The following PCDHGA4 variants were observed in gnomAD, a reference collection of about 807,000 sequenced individuals.
PCDHGA4 encodes protocadherin gamma-A4.
In PCDHGA4, 38 loss-of-function variants were observed where a neutral mutation model predicts 54.6. The observed-to-expected ratio is 0.70, with a 90% CI of 0.54 to 0.91. The LOEUF (loss-of-function observed/expected upper bound fraction) is 0.91. Ranked by LOEUF, PCDHGA4 falls within the 40% of genes least tolerant of loss-of-function variation. The pLI is 0.00. For missense variants in PCDHGA4, 1,298 were observed against 1,220.9 expected (o/e 1.06, Z -0.94); for synonymous variants, 511 against 512.9 (o/e 1.00, Z 0.05).
chr5:141,467,057 T>TG, intron 1 of PCDHGA4, among the ~76,000 whole-genome samples: 1 of 144,752 alleles, frequency 6.9e-6, no homozygotes, highest in Non-Finnish European at 1.5e-5. Context: ...AATGTTTTCT[T>TG]TTTTTTTTTT....
At chr5:141,451,180 T>C (rs1318435826) in intron 1 of PCDHGA4, among the ~76,000 whole-genome samples, 4 of 152,180 alleles carry the variant, frequency 2.6e-5, no homozygotes, top group Non-Finnish European at 4.4e-5. Flanking sequence ...ATTTAGCCAT[T>C]GCTGTGTAAC....
Position 141,361,616 on chromosome 5 carries a change from G to A in PCDHGA4, c.2514+3995G>A, listed in dbSNP as rs1031903185. On this transcript the variant is annotated intron_variant, in intron 1 of 3. Coordinates refer to ENST00000571252, the MANE Select transcript of PCDHGA4 (RefSeq NM_018917.4). ...CAAGTTTCCTACTCCATCGTAGCGA[G>A]CGACCTGAAGCCGCGGGAGATTTTA... The A allele has an allele frequency of 1.4e-5, 22 of 1,613,858 alleles. No homozygotes were observed. The highest frequency in any genetic ancestry group is 1.7e-5 in the Non-Finnish European group (20 of 1,179,908).
intron 1 of PCDHGA4, among the ~76,000 whole-genome samples, chr5:141,475,380 T>A (rs2099362720): frequency 6.6e-6 from 1 of 152,244 alleles, no homozygotes; most frequent in South Asian, 2.1e-4. Flanking sequence ...TACTTTTAAA[T>A]TTTATAAGCC....
chr5:141,404,681 C>T, intron 1 of PCDHGA4: 1 of 1,614,092 alleles, frequency 6.2e-7, no homozygotes, highest in Non-Finnish European at 8.5e-7. Context: ...TGGTGTGGAG[C>T]TGGCACCCCG....
Position 141,422,343 on chromosome 5 carries a change from G to T in PCDHGA4, c.2514+64722G>T, listed in dbSNP as rs764862139. ...GTACAGTGATTGCTCTTCTAAATGT[G>T]CAAGATCAAGATTCTGGAGAAAATG... On this transcript the variant is annotated intron_variant, in intron 1 of 3. Transcript: ENST00000571252. 1.9e-6 allele frequency: 3 copies of T among 1,551,388 alleles called. No individual in the cohort carries two copies. The East Asian group carries it at 6.7e-5, about 35-fold the overall frequency.
chr5:141,382,075 C>T (rs1474505918), intron 1 of PCDHGA4, among the ~76,000 whole-genome samples: 3 of 151,956 alleles, frequency 2.0e-5, no homozygotes, highest in Non-Finnish European at 4.4e-5. Flanking sequence ...GTGATCCGCC[C>T]GCCTCGGCCT....
intron 1 of PCDHGA4, among the ~76,000 whole-genome samples, chr5:141,457,898 A>T (rs1035775197): frequency 6.6e-6 from 1 of 151,874 alleles, no homozygotes; most frequent in Non-Finnish European, 1.5e-5. Context: ...GACTGTGTAG[A>T]CAAGGTGTGA....
intron 1 of PCDHGA4, chr5:141,389,025 A>C: frequency 6.2e-7 from 1 of 1,613,992 alleles, no homozygotes; most frequent in Non-Finnish European, 8.5e-7. Flanking sequence ...TGGAGAAGTG[A>C]CTTGTAAATT....
intron 1 of PCDHGA4, chr5:141,404,332 C>T (rs1257075931): frequency 6.2e-7 from 1 of 1,613,916 alleles, no homozygotes; most frequent in East Asian, 2.2e-5. Context: ...ACTCAGTCTA[C>T]CTCCCGGAAA....
intron 1 of PCDHGA4, chr5:141,410,606 G>C: frequency 1.2e-6 from 2 of 1,607,214 alleles, no homozygotes; most frequent in Non-Finnish European, 1.7e-6. Flanking sequence ...TTCACATCCT[G>C]AGACTCTGAC....
intron 1 of PCDHGA4, chr5:141,370,539 A>G: frequency 6.2e-7 from 1 of 1,613,826 alleles, no homozygotes; most frequent in Admixed American, 1.7e-5. Context: ...GCTGGTAGGG[A>G]ACCTCGCCAA....
chr5:141,499,138 G>A (rs765607930), intron 2 of PCDHGA4, among the ~76,000 whole-genome samples: 12 of 152,144 alleles, frequency 7.9e-5, no homozygotes, highest in Non-Finnish European at 1.5e-4. Flanking sequence ...TCCTTTGGGT[G>A]TCTGATCCCA....
chr5:141,420,047 G>C (rs1242042066), intron 1 of PCDHGA4: 1 of 1,613,958 alleles, frequency 6.2e-7, no homozygotes, highest in East Asian at 2.2e-5. Flanking sequence ...CTTTGAGTCA[G>C]TTCTCTGCTC....
At chr5:141,361,659 C>T (rs746637756) in intron 1 of PCDHGA4, 25 of 1,613,626 alleles carry the variant, frequency 1.5e-5, no homozygotes, top group African/African-American at 2.7e-5. Flanking sequence ...TGTCCGTGAG[C>T]GCGCAGAGCG....
At chr5:141,374,056 T>A in intron 1 of PCDHGA4, 1 of 1,485,728 alleles carries the variant, frequency 6.7e-7, no homozygotes, top group Non-Finnish European at 8.9e-7. Context: ...CTCTTCTTAA[T>A]CCCAGAGAAG....
rs1213998742 is a variant in PCDHGA4, at chr5:141,357,158, C to T, written c.2051C>T (p.Pro684Leu). ...GTCGTCCAGGACCATGGCCAGCCCC[C>T]TCTCTCGGCCACCGTCACACTCACT... is the stretch of plus-strand genomic sequence containing the variant. ...VVVVQDHGQP[P>L]LSATVTLTVA... Residue 684 changes from proline (P) to leucine (L), a missense_variant, in exon 1 of 4, where the codon CCT becomes CTT. Coordinates refer to ENST00000571252, the MANE Select transcript of PCDHGA4 (RefSeq NM_018917.4). The T allele has an allele frequency of 1.6e-5, 26 of 1,613,554 alleles. No individual in the cohort carries two copies. Among genetic ancestry groups the T allele is most frequent in the African/African-American group, 4.0e-5 (3 of 74,958 alleles).
intron 1 of PCDHGA4, chr5:141,394,701 C>A (rs375281416): frequency 5.0e-6 from 8 of 1,613,162 alleles, no homozygotes; most frequent in Non-Finnish European, 6.8e-6. Flanking sequence ...GCGCACGGCG[C>A]GAGCCCTGCT....
In PCDHGA4 at chr5:141,370,921, C is replaced by T. The variant is rs1767318937; in HGVS notation, c.2514+13300C>T. Reference sequence around the variant, plus strand: ...CAGCAGTACTACCTCAGCCCTGATCCGCACTTCTCTTTGATTCAGAAGGAG... The same window carrying T: ...CAGCAGTACTACCTCAGCCCTGATCTGCACTTCTCTTTGATTCAGAAGGAG... On this transcript the variant is annotated intron_variant, in intron 1 of 3. Coordinates refer to ENST00000571252, the MANE Select transcript of PCDHGA4 (RefSeq NM_018917.4). 2 of 1,613,978 alleles carry T rather than the reference C, an allele frequency of 1.2e-6. No homozygotes were observed. Among genetic ancestry groups the T allele is most frequent in the Admixed American group, 1.7e-5 (1 of 60,006 alleles).
intron 1 of PCDHGA4, among the ~76,000 whole-genome samples, chr5:141,472,039 A>T (rs913132856): frequency 1.3e-5 from 2 of 152,200 alleles, no homozygotes; most frequent in Non-Finnish European, 2.9e-5. Context: ...AGCTGTGAAA[A>T]GATTTTAAAA....
Sources: allele counts gnomAD v4.1 joint callset (sites outside exome capture counted in the v4.1 genomes callset), GRCh38; gene constraint gnomAD v4.1.1; transcripts MANE v1.5; gene names NCBI Gene and HGNC (gene_info 2026-07-23, HGNC 2026-07-21).